Variants in AUH observed in about 807,000 individuals in gnomAD.
AUH encodes the protein methylglutaconyl-CoA hydratase, mitochondrial.
In AUH, 29 loss-of-function variants were observed where a neutral mutation model predicts 42.3. The observed-to-expected ratio is 0.69, with a 90% CI of 0.51 to 0.93. AUH has a LOEUF of 0.93. AUH is among the 40% of genes least tolerant of loss of function. The pLI, the probability that AUH is intolerant of heterozygous loss-of-function variation, is 0.00. For missense variants in AUH, 452 were observed against 438.1 expected (o/e 1.03, Z -0.28); for synonymous variants, 174 against 166.4 (o/e 1.05, Z -0.35).
intron 6 of AUH, among the ~76,000 whole-genome samples, chr9:91,279,394 C>A (rs183873587): frequency 6.6e-6 from 1 of 152,076 alleles, no homozygotes; most frequent in African/African-American, 2.4e-5. Flanking sequence ...CAGTATTAGG[C>A]TATTTGTGTT....
At chr9:91,318,983 T>C (rs1242561715) in intron 4 of AUH, among the ~76,000 whole-genome samples, 3 of 152,248 alleles carry the variant, frequency 2.0e-5, no homozygotes, top group African/African-American at 7.2e-5. Context: ...GTTACATGAC[T>C]ATTCCAGCCC....
rs1262184024 is a variant in AUH at position 91,228,126 on chromosome 9, T to G, written c.656-7134A>C. On this transcript the variant is annotated intron_variant, in intron 6 of 9. Coordinates refer to ENST00000375731, the MANE Select transcript of AUH (RefSeq NM_001698.3). ...TTGATTGGCATAGTTTCAGAAGGAA[T>G]GGTACCAGTTCCTCCTTGTACCTCT... Among the ~76,000 whole-genome samples the G allele has an allele frequency of 5.3e-5, 8 of 152,154 alleles. No homozygotes were observed. The East Asian group carries it at 1.2e-3, about 22-fold the overall frequency.
At chr9:91,221,050 T>G in intron 6 of AUH, 58 bp from the exon 7 acceptor site, 2 of 1,549,340 alleles carry the variant, frequency 1.3e-6, no homozygotes, top group Non-Finnish European at 1.8e-6. Flanking sequence ...TTTTAACACT[T>G]CAGTGTTTCA....
rs549563682 is a variant in AUH, at chr9:91,303,477, C to A, written c.506-5401G>T. 4.1e-4 allele frequency among the ~76,000 whole-genome samples: 62 copies of A among 152,202 alleles called. No individual in the cohort carries two copies. In the South Asian group the frequency reaches 0.013, roughly 31 times the overall value. ...TCCCGAGTAGCTGGGACTACTGGTG[C>A]CCGCCACTACGCCCAGCTAATTTTT... On this transcript the variant is annotated intron_variant, in intron 4 of 9. Transcript: ENST00000375731.
chr9:91,332,226 G>A (rs1441484599), intron 3 of AUH, among the ~76,000 whole-genome samples: 3 of 152,316 alleles, frequency 2.0e-5, no homozygotes, highest in Non-Finnish European at 4.4e-5. Flanking sequence ...AACAAGCTGG[G>A]CGCGGTGGCT....
chr9:91,254,379 C>T (rs995244388), intron 6 of AUH, among the ~76,000 whole-genome samples: 1 of 152,134 alleles, frequency 6.6e-6, no homozygotes, highest in African/African-American at 2.4e-5. Flanking sequence ...GGGGTGCAGA[C>T]AGGATGGGAA....
intron 4 of AUH, among the ~76,000 whole-genome samples, chr9:91,321,962 C>G (rs1403274918): frequency 1.3e-5 from 2 of 152,126 alleles, no homozygotes; most frequent in Non-Finnish European, 2.9e-5. Context: ...AAGATAAAGC[C>G]TGCCTGCCTG....
intron 6 of AUH, among the ~76,000 whole-genome samples, chr9:91,240,586 T>C (rs1292523651): frequency 2.6e-5 from 4 of 152,182 alleles, no homozygotes; most frequent in Non-Finnish European, 5.9e-5. Flanking sequence ...GTTTGCACTA[T>C]GTAATACAGA....
At chr9:91,347,937 A>T (rs1341288892) in intron 3 of AUH, among the ~76,000 whole-genome samples, 1 of 151,968 alleles carries the variant, frequency 6.6e-6, no homozygotes, top group Non-Finnish European at 1.5e-5. Context: ...AACAATATGT[A>T]AATTTTTAAA....
At chr9:91,286,991 A>G (rs1826466465) in intron 6 of AUH, among the ~76,000 whole-genome samples, 1 of 152,016 alleles carries the variant, frequency 6.6e-6, no homozygotes, top group African/African-American at 2.4e-5. Flanking sequence ...CATGCTAATT[A>G]GCTTAATTTA....
At chr9:91,273,368 C>T (rs1470596498) in intron 6 of AUH, among the ~76,000 whole-genome samples, 1 of 151,018 alleles carries the variant, frequency 6.6e-6, no homozygotes, top group Non-Finnish European at 1.5e-5. Flanking sequence ...AAAGAGAAAA[C>T]TCTTCCAGGT....
At chr9:91,358,618 C>T (rs1832617360) in intron 1 of AUH, among the ~76,000 whole-genome samples, 1 of 152,218 alleles carries the variant, frequency 6.6e-6, no homozygotes, top group Non-Finnish European at 1.5e-5. Context: ...AACCTCCCTT[C>T]TAGCATGAAC....
At chr9:91,229,730 AGCTCTT>A (rs1827753507) in intron 6 of AUH, among the ~76,000 whole-genome samples, 1 of 150,764 alleles carries the variant, frequency 6.6e-6, no homozygotes, top group Admixed American at 6.6e-5. Flanking sequence ...TTCCTTCAGG[AGCTCTT>A]TTAGGGCAGG....
chr9:91,259,201 A>T (rs182470965), intron 6 of AUH, among the ~76,000 whole-genome samples: 8 of 152,346 alleles, frequency 5.3e-5, no homozygotes, highest in Admixed American at 5.2e-4. Context: ...TTAAAAAAGT[A>T]CAGAAGTATT....
chr9:91,298,302 A>C (rs1415277534), intron 4 of AUH, among the ~76,000 whole-genome samples: 1 of 152,214 alleles, frequency 6.6e-6, no homozygotes, highest in Non-Finnish European at 1.5e-5. Context: ...ATATCTTTAA[A>C]TCTTCCCATA....
chr9:91,242,905 T>G (rs1288033239), intron 6 of AUH, among the ~76,000 whole-genome samples: 1 of 152,212 alleles, frequency 6.6e-6, no homozygotes, highest in African/African-American at 2.4e-5. Flanking sequence ...AAGACAAGAA[T>G]GTTTCTGATA....
chr9:91,260,004 AAC>A (rs1829625581), intron 6 of AUH, among the ~76,000 whole-genome samples: 1 of 151,966 alleles, frequency 6.6e-6, no homozygotes, highest in Non-Finnish European at 1.5e-5. Flanking sequence ...CTCCAACCAA[AAC>A]AGTTGATTTA....
chr9:91,348,504 C>T lies in AUH; in HGVS notation c.418+7379G>A, dbSNP rs186644113. On this transcript the variant is annotated intron_variant, in intron 3 of 9. Coordinates refer to ENST00000375731, the MANE Select transcript of AUH (RefSeq NM_001698.3). ...GATGGAAAAACCCAAATGACCATCA[C>T]CTAATGAATAAACAAACCGTGAAAC... Among the ~76,000 whole-genome samples, 13 of 152,200 alleles carry T rather than the reference C, an allele frequency of 8.5e-5. 1 individual carries two copies. In the Middle Eastern group the frequency reaches 0.014, roughly 159 times the overall value.
chr9:91,272,998 C>G (rs1435914921), intron 6 of AUH, among the ~76,000 whole-genome samples: 1 of 152,204 alleles, frequency 6.6e-6, no homozygotes, highest in Non-Finnish European at 1.5e-5. Flanking sequence ...CTGTATCAGT[C>G]AAGTTTCTTG....
Sources: gnomAD v4.1 joint callset for allele counts (sites outside exome capture counted in the v4.1 genomes callset) on GRCh38, gnomAD v4.1.1 for gene constraint, MANE v1.5 for transcripts, NCBI Gene and HGNC (gene_info 2026-07-23, HGNC 2026-07-21) for gene names.